CAB39L: variants seen among roughly 807,000 people sequenced by gnomAD.
CAB39L encodes the protein calcium binding protein 39 like, also known as calcium-binding protein 39-like.
In CAB39L, 23 loss-of-function variants were observed where a neutral mutation model predicts 39.1. That is an observed-to-expected ratio of 0.59 (90% CI 0.42 to 0.83). CAB39L has a LOEUF of 0.83. CAB39L is among the 40% of genes least tolerant of loss of function. The probability of loss-of-function intolerance (pLI) is 0.00; values close to 1 mark genes in which losing one functional copy is unlikely to be tolerated. For synonymous variants in CAB39L, 126 were observed against 137.2 expected (o/e 0.92, Z 0.57); for missense variants, 366 against 391.9 (o/e 0.93, Z 0.56).
chr13:49,313,480 C>CA (rs61510865), intron 10 of CAB39L, among the ~76,000 whole-genome samples: 6,595 of 104,212 alleles, frequency 0.063, 464 homozygotes, highest in African/African-American at 0.19. Context: ...GACTCCGTCT[C>CA]AAAAAAAAAA....
intron 9 of CAB39L, among the ~76,000 whole-genome samples, chr13:49,332,757 G>A (rs1954746093): frequency 6.6e-6 from 1 of 151,904 alleles, no homozygotes; most frequent in African/African-American, 2.4e-5. Flanking sequence ...TGAATGTATT[G>A]TTGCTCTATC....
rs190388451 is a variant in CAB39L, at chr13:49,389,538, G to A, written c.-31-6597C>T. On this transcript the variant is annotated intron_variant, in intron 3 of 10. Coordinates refer to ENST00000409308, the MANE Select transcript of CAB39L (RefSeq NM_001079670.3). ...CACCTATACTCCCAGCTACTCAAGA[G>A]GCTGAGGCATGAGAATCGCTTGAAC... 8.6e-4 allele frequency among the ~76,000 whole-genome samples: 130 copies of A among 151,936 alleles called. 3 individuals are homozygous for A. In the East Asian group the frequency reaches 0.024, roughly 28 times the overall value.
Position 49,404,969 on chromosome 13 carries a change from G to A in CAB39L, c.-31-22028C>T, listed in dbSNP as rs751829943. ...AAAATGGCAAATCTAAGAGTCATTG[G>A]CCTTAAAAAGGAGGTAGAGAGAGAG... On this transcript the variant is annotated intron_variant, in intron 3 of 10. Coordinates refer to ENST00000409308, the MANE Select transcript of CAB39L (RefSeq NM_001079670.3). Among the ~76,000 whole-genome samples, 3 of 152,144 alleles carry A rather than the reference G, an allele frequency of 2.0e-5. No individual in the cohort carries two copies. In the East Asian group the frequency reaches 5.8e-4, roughly 29 times the overall value.
At chr13:49,344,320 T>G in intron 7 of CAB39L, 82 bp from the exon 8 acceptor site, 1 of 784,690 alleles carries the variant, frequency 1.3e-6, no homozygotes, top group Non-Finnish European at 2.1e-6. Flanking sequence ...TTTAAGAACA[T>G]ATAAAAGTTG....
intron 3 of CAB39L, chr13:49,392,926 G>GA (rs535301926): frequency 6.6e-6 from 1 of 152,118 alleles, no homozygotes; most frequent in East Asian, 1.9e-4. Flanking sequence ...AGTGGCATCT[G>GA]AAAAAGTTAT....
At chr13:49,415,716 C>T (rs1019089288) in intron 3 of CAB39L, among the ~76,000 whole-genome samples, 1 of 152,092 alleles carries the variant, frequency 6.6e-6, no homozygotes, top group Non-Finnish European at 1.5e-5. Flanking sequence ...TTTAGTGACA[C>T]TAGAATGTGA....
chr13:49,442,128 A>G (rs1473319451), intron 1 of CAB39L, among the ~76,000 whole-genome samples: 1 of 152,110 alleles, frequency 6.6e-6, no homozygotes, highest in Non-Finnish European at 1.5e-5. Context: ...TTTAATTTGC[A>G]TTTTCCCAAT....
At chr13:49,440,451 G>T (rs575861077) in intron 1 of CAB39L, among the ~76,000 whole-genome samples, 1 of 151,938 alleles carries the variant, frequency 6.6e-6, no homozygotes, top group South Asian at 2.1e-4. Flanking sequence ...CTGCTCCATT[G>T]GCCTATATGT....
At chr13:49,394,323 G>A (rs1956559207) in intron 3 of CAB39L, among the ~76,000 whole-genome samples, 1 of 151,882 alleles carries the variant, frequency 6.6e-6, no homozygotes. Flanking sequence ...AAAAAAAAAT[G>A]CAAACTCAAA....
chr13:49,336,752 T>A (rs1954859908), intron 9 of CAB39L, among the ~76,000 whole-genome samples: 1 of 152,228 alleles, frequency 6.6e-6, no homozygotes, highest in African/African-American at 2.4e-5. Flanking sequence ...ATGGACAAGC[T>A]TACCTCATTT....
chr13:49,395,078 C>A (rs1956577635), intron 3 of CAB39L, among the ~76,000 whole-genome samples: 1 of 152,062 alleles, frequency 6.6e-6, no homozygotes. Context: ...TTCCTTCTTT[C>A]TTCAAATGTT....
intron 10 of CAB39L, among the ~76,000 whole-genome samples, chr13:49,324,071 G>A (rs1453930511): frequency 6.6e-6 from 1 of 152,032 alleles, no homozygotes; most frequent in Non-Finnish European, 1.5e-5. Flanking sequence ...CAGCACTTTG[G>A]GAGGCCGAGG....
At chr13:49,332,570 G>GA (rs927991693) in intron 9 of CAB39L, among the ~76,000 whole-genome samples, 13 of 151,674 alleles carry the variant, frequency 8.6e-5, no homozygotes, top group African/African-American at 3.1e-4. Context: ...TATAAAGTCA[G>GA]AAAAAAAATT....
At chr13:49,419,926 T>C (rs1946230539) in intron 3 of CAB39L, among the ~76,000 whole-genome samples, 1 of 152,190 alleles carries the variant, frequency 6.6e-6, no homozygotes, top group Non-Finnish European at 1.5e-5. Context: ...GCAATCCCAG[T>C]ACTTAAGTCA....
chr13:49,356,055 A>T (rs937154140), intron 6 of CAB39L, among the ~76,000 whole-genome samples: 6 of 152,184 alleles, frequency 3.9e-5, no homozygotes. Context: ...TGTCACCTCT[A>T]GCAAAATGAC....
intron 7 of CAB39L, among the ~76,000 whole-genome samples, chr13:49,347,171 T>C (rs1004406062): frequency 2.6e-5 from 4 of 152,198 alleles, no homozygotes; most frequent in African/African-American, 9.6e-5. Flanking sequence ...AGAAAATTGG[T>C]GTTTCCAAAA....
At chr13:49,389,050 A>C (rs779483019) in intron 3 of CAB39L, among the ~76,000 whole-genome samples, 4 of 152,206 alleles carry the variant, frequency 2.6e-5, no homozygotes, top group African/African-American at 4.8e-5. Flanking sequence ...TAGCCAATCA[A>C]AATAAAAAAG....
intron 10 of CAB39L, among the ~76,000 whole-genome samples, chr13:49,320,270 G>GT (rs936587630): frequency 6.6e-6 from 1 of 152,126 alleles, no homozygotes; most frequent in African/African-American, 2.4e-5. Flanking sequence ...TGTTGTCCCT[G>GT]TTTTTTAAAA....
intron 7 of CAB39L, among the ~76,000 whole-genome samples, chr13:49,347,866 T>C (rs138800311): frequency 6.4e-4 from 98 of 152,046 alleles, no homozygotes; most frequent in Admixed American, 1.7e-3. Context: ...CCTTCCTCCT[T>C]CTTTTCCTTC....
Sources: gnomAD v4.1 joint callset for allele counts (sites outside exome capture counted in the v4.1 genomes callset) on GRCh38, gnomAD v4.1.1 for gene constraint, MANE v1.5 for transcripts, NCBI Gene and HGNC (gene_info 2026-07-23, HGNC 2026-07-21) for gene names.